TBATA: variants seen among roughly 807,000 people sequenced by gnomAD.
TBATA encodes protein TBATA.
A neutral mutation model predicts 38.7 loss-of-function variants in TBATA; 47 were observed. That is an observed-to-expected ratio of 1.21 (90% confidence interval 0.96 to 1.55). TBATA has a LOEUF of 1.55. Ranked by LOEUF, TBATA falls within the 40% of genes most tolerant of loss-of-function variation. The pLI is 0.00. For synonymous variants in TBATA, 183 were observed against 170.5 expected, an observed-to-expected ratio of 1.07 and a Z score of -0.57; for missense variants, 436 against 435.6, an observed-to-expected ratio of 1.00 and a Z score of -0.01.
intron 7 of TBATA, among the ~76,000 whole-genome samples, chr10:70,776,813 G>A (rs1216435500): frequency 2.6e-5 from 4 of 152,142 alleles, no homozygotes; most frequent in Non-Finnish European, 4.4e-5. Flanking sequence ...TGTGGGGTGC[G>A]GCCTGCTGTG....
chr10:70,774,229 G>C lies in TBATA; in HGVS notation c.904C>G (p.Gln302Glu). ...GGGGCCCACCTGCAGGGTGGCTCTT[G>C]CTTCTCTTGAGGAGGTTCATGCACT... Reference protein sequence around the residue: ...PEVHEPPQEKQEPPCSQSPKK... With the variant: ...PEVHEPPQEKEEPPCSQSPKK... Residue 302 changes from glutamine (Q) to glutamate (E), a missense_variant, in exon 9 of 11, where the codon CAA (glutamine) becomes GAA (glutamate). Gln to Glu is a conservative substitution (Grantham distance 29, BLOSUM62 2). Transcript: ENST00000456372. The C allele has an allele frequency of 1.9e-6, 3 of 1,612,306 alleles. No individual in the cohort carries two copies. Among genetic ancestry groups the C allele is most frequent in the Non-Finnish European group, 8.5e-7 (1 of 1,179,682 alleles).
intron 5 of TBATA, chr10:70,778,839 G>T (rs13376790): frequency 1.0e-4 from 69 of 658,240 alleles, no homozygotes; most frequent in East Asian, 4.8e-4. Flanking sequence ...GGTGGGGTGC[G>T]GGGGTGGGGC....
intron 9 of TBATA, among the ~76,000 whole-genome samples, chr10:70,773,874 G>C (rs192175512): frequency 6.6e-6 from 1 of 152,202 alleles, no homozygotes; most frequent in African/African-American, 2.4e-5. Flanking sequence ...CCACTGCCTT[G>C]TGTTAGCATT....
chr10:70,779,547 G>T (rs1843871236), intron 5 of TBATA, 46 bp downstream of exon 5: 1 of 1,438,844 alleles, frequency 7.0e-7, no homozygotes, highest in Non-Finnish European at 9.1e-7. Flanking sequence ...GCCTTGGGGA[G>T]AGGCATGAGC....
intron 9 of TBATA, among the ~76,000 whole-genome samples, chr10:70,772,783 C>T (rs1235992365): frequency 6.6e-6 from 1 of 152,168 alleles, no homozygotes; most frequent in African/African-American, 2.4e-5. Context: ...CAGACCCAGA[C>T]AACTGTGGCC....
chr10:70,774,790 C>T (rs949921131), intron 8 of TBATA, among the ~76,000 whole-genome samples: 19 of 152,166 alleles, frequency 1.2e-4, no homozygotes, highest in African/African-American at 4.3e-4. Context: ...GTGTGTATTC[C>T]TGTGTTCATG....
chr10:70,778,708 T>TGGTAGAGGA, intron 5 of TBATA, 72 bp from the exon 6 acceptor site: 5 of 1,356,428 alleles, frequency 3.7e-6, no homozygotes, highest in Non-Finnish European at 5.3e-6. Flanking sequence ...CACCAGGCCT[T>TGGTAGAGGA]GGTAGAGGAG....
rs995132349 is a variant in TBATA, at chr10:70,782,602, G to A, written c.42-566C>T. Reference sequence around the variant, plus strand: ...CCCATGGGGGTCCCTCCTAGGAGAGGAAGAGCTGACGCAGCAGCTACTGGG... The same window carrying A: ...CCCATGGGGGTCCCTCCTAGGAGAGAAAGAGCTGACGCAGCAGCTACTGGG... On this transcript the variant is annotated intron_variant, in intron 3 of 10. Transcript: ENST00000456372. 1.1e-5 allele frequency: 11 copies of A among 985,462 alleles called. No individual in the cohort carries two copies. The African/African-American group carries it at 1.9e-4, about 17-fold the overall frequency. 61.0% of individuals were successfully genotyped at this position (985,462 alleles called of 1,614,324 possible).
At chr10:70,780,456 T>A (rs1844055279) in intron 4 of TBATA, among the ~76,000 whole-genome samples, 1 of 151,968 alleles carries the variant, frequency 6.6e-6, no homozygotes, top group Non-Finnish European at 1.5e-5. Context: ...TGCCGACTTC[T>A]CATCTTCTCA....
intron 6 of TBATA, among the ~76,000 whole-genome samples, 166 bp from the exon 7 acceptor site, chr10:70,777,504 A>AC (rs66827681): frequency 2.0e-5 from 3 of 151,168 alleles, no homozygotes; most frequent in East Asian, 3.9e-4. Context: ...CAGCTCTGCC[A>AC]CCCCCCCAAC....
chr10:70,773,473 G>GCCC lies in TBATA; in HGVS notation c.920+739_920+740insGGG, dbSNP rs770534823. Among the ~76,000 whole-genome samples, 33 of 151,430 alleles carry GCCC rather than the reference G, an allele frequency of 2.2e-4. 1 individual carries two copies. In the South Asian group the frequency reaches 6.5e-3, roughly 30 times the overall value. On this transcript the variant is annotated intron_variant, in intron 9 of 10. Transcript: ENST00000456372. ...GACTGTTAAAAATACAGGCCCCCCC[G>GCCC]GCTTCACCCCGGCCTGCTATGTTAG...
rs1844513351 is a variant in TBATA, at chr10:70,783,439, A to C, written c.-60T>G. 6.3e-7 allele frequency: 1 copy of C among 1,584,896 alleles called. No individual in the cohort carries two copies. The highest frequency in any genetic ancestry group is 1.7e-5 in the Admixed American group (1 of 59,854). ...TTAATACTAGCGTTGAGGATGCAGA[A>C]CAGGAACTCTCACTTAATACTAGTG... On this transcript the variant is annotated 5_prime_UTR_variant, in exon 3 of 11. Coordinates refer to ENST00000456372, the MANE Select transcript of TBATA (RefSeq NM_001318241.2).
intron 9 of TBATA, among the ~76,000 whole-genome samples, chr10:70,772,876 C>T (rs1473048542): frequency 6.6e-6 from 1 of 152,194 alleles, no homozygotes; most frequent in Non-Finnish European, 1.5e-5. Flanking sequence ...ATCAGCCCTC[C>T]CCCTAGCCCT....
At position 70,777,153 on chromosome 10, in the gene TBATA, C is replaced by T. The variant is rs143985684; in HGVS notation, c.693G>A (p.Leu231=). 4 of 1,611,914 alleles carry T rather than the reference C, an allele frequency of 2.5e-6. No individual in the cohort carries two copies. The highest frequency in any genetic ancestry group is 1.3e-5 in the African/African-American group (1 of 74,910). The part of the protein sequence containing the change: ...QAFLLQDQEL[L]VLELLCRILE... ...CCTGGGAGCAGAACTGGGCCCTCAC[C>T]AGCAGCTCCTGATCCTGAAGGAGGA... The change falls in exon 7 of 11, where the codon CTG becomes CTA. Residue 231 remains leucine (L), a splice_region_variant and synonymous_variant. Coordinates refer to ENST00000456372, the MANE Select transcript of TBATA (RefSeq NM_001318241.2).
At chr10:70,773,757 T>C (rs1461717973) in intron 9 of TBATA, among the ~76,000 whole-genome samples, 1 of 152,220 alleles carries the variant, frequency 6.6e-6, no homozygotes, top group Non-Finnish European at 1.5e-5. Context: ...CGCTGCTCAG[T>C]GGCCTTGCTG....
intron 10 of TBATA, chr10:70,772,266 C>T (rs963953878): frequency 2.9e-6 from 2 of 681,242 alleles, no homozygotes; most frequent in African/African-American, 3.5e-5. Context: ...TTCCTCCTTG[C>T]TGGGATGTAA....
intron 8 of TBATA, among the ~76,000 whole-genome samples, chr10:70,774,608 C>G (rs543304629): frequency 6.6e-6 from 1 of 152,124 alleles, no homozygotes; most frequent in Non-Finnish European, 1.5e-5. Context: ...GCCCTCCTGC[C>G]CACCATATCC....
intron 8 of TBATA, among the ~76,000 whole-genome samples, chr10:70,774,840 C>T (rs1327270434): frequency 6.6e-6 from 1 of 152,014 alleles, no homozygotes; most frequent in Non-Finnish European, 1.5e-5. Flanking sequence ...CTACTTGCAC[C>T]TGTGTGTGTG....
In TBATA at chr10:70,775,472, C is replaced by T. The variant is rs1564579508; in HGVS notation, c.694-202G>A. On this transcript the variant is annotated intron_variant, in intron 7 of 10. Transcript: ENST00000456372. ...CTTAACGGAGGGCTTTGTCTCACAA[C>T]AGTCCAGGAGGAAGATTCTTAATCT... is the stretch of plus-strand genomic sequence containing the variant. Among the ~76,000 whole-genome samples the T allele has an allele frequency of 5.3e-5, 8 of 152,236 alleles. No individual in the cohort carries two copies. In the South Asian group the frequency reaches 1.7e-3, roughly 32 times the overall value.
Sources: gnomAD v4.1 joint callset for allele counts (sites outside exome capture counted in the v4.1 genomes callset) on GRCh38, gnomAD v4.1.1 for gene constraint, MANE v1.5 for transcripts, NCBI Gene and HGNC (gene_info 2026-07-23, HGNC 2026-07-21) for gene names.